STKLD1: variants seen among roughly 807,000 people sequenced by gnomAD.
STKLD1 encodes serine/threonine kinase-like domain-containing protein STKLD1.
Under a neutral mutation model 80.4 loss-of-function variants are expected in STKLD1, and 79 were observed. The ratio of observed to expected loss-of-function variants is 0.98; its 90% CI spans 0.82 to 1.19. The LOEUF (loss-of-function observed/expected upper bound fraction) is 1.19. Ranked by LOEUF, STKLD1 falls within the 50% of genes most tolerant of loss-of-function variation. The pLI, the probability that STKLD1 is intolerant of heterozygous loss-of-function variation, is 0.00. For missense variants in STKLD1, 841 were observed against 856.0 expected (o/e 0.98, Z 0.22); for synonymous variants, 393 against 357.6 (o/e 1.10, Z -1.12).
chr9:133,391,447 G>C (rs1838396421), intron 7 of STKLD1, among the ~76,000 whole-genome samples: 1 of 151,494 alleles, frequency 6.6e-6, no homozygotes, highest in Non-Finnish European at 1.5e-5. Context: ...GGAAAAGATT[G>C]AGAAATCGGA....
Position 133,377,620 on chromosome 9 carries a change from G to A in STKLD1, c.87+1060G>A, listed in dbSNP as rs2130254997. ...AGAGGTTGTGGTGAGCCAAGATAGCGCCATTGGACTCCAGCCTGGGCAACA... is the reference window on the plus strand; with the variant it reads ...AGAGGTTGTGGTGAGCCAAGATAGCACCATTGGACTCCAGCCTGGGCAACA... On this transcript the variant is annotated intron_variant, in intron 1 of 17. Transcript: ENST00000371957. Among the ~76,000 whole-genome samples, 9 of 152,078 alleles carry A rather than the reference G, an allele frequency of 5.9e-5. No individual in the cohort carries two copies. The South Asian group carries it at 6.2e-4, about 11-fold the overall frequency.
At position 133,397,426 on chromosome 9, in the gene STKLD1, G is replaced by A. The variant is rs1193288815; in HGVS notation, c.997+132G>A. ...GCTCCACATGCACGACCAGTGGGTA[G>A]GAACAGTTTCCCTCCATCCATCCCT... On this transcript the variant is annotated intron_variant, in intron 10 of 17. Transcript: ENST00000371957. 3.3e-6 allele frequency: 4 copies of A among 1,226,268 alleles called. No individual in the cohort carries two copies. The African/African-American group carries it at 6.0e-5, about 18-fold the overall frequency. 76.0% of individuals were successfully genotyped at this position (1,226,268 alleles called of 1,614,324 possible). A position where few individuals can be genotyped will look rare whatever the true frequency, so the allele number is the denominator to read the frequency against.
intron 2 of STKLD1, among the ~76,000 whole-genome samples, chr9:133,381,040 TTTTTGTTTTG>T (rs113425746): frequency 2.0e-4 from 31 of 152,040 alleles, no homozygotes; most frequent in Admixed American, 4.6e-4. Flanking sequence ...TTTGTTTGTT[TTTTTGTTTTG>T]TTTTGTTTTG....
In STKLD1 at chr9:133,403,735, C is replaced by G. The variant is rs1838768256; in HGVS notation, c.1510C>G (p.Pro504Ala). 2 of 1,613,822 alleles carry G rather than the reference C, an allele frequency of 1.2e-6. No homozygotes were observed. Among genetic ancestry groups the G allele is most frequent in the Admixed American group, 1.7e-5 (1 of 60,026 alleles). The change falls in exon 15 of 18, where the codon CCG becomes GCG. Residue 504 changes from proline to alanine, a missense_variant. Pro to Ala is a conservative substitution (Grantham distance 27). Transcript: ENST00000371957. ...GAACAAGGCCCCCTTGGAGAAGGTC[C>G]CGGACCTCATCAGCCAGGTGTTGGC... ...IVNKAPLEKV[P>A]DLISQVLATY...
intron 7 of STKLD1, chr9:133,393,940 A>G (rs1838490374): frequency 4.7e-6 from 1 of 213,786 alleles, no homozygotes; most frequent in East Asian, 1.1e-4. Flanking sequence ...TAGAAGGGGC[A>G]AGAAGTTTAG....
intron 2 of STKLD1, among the ~76,000 whole-genome samples, chr9:133,383,284 G>T (rs1838185818): frequency 1.1e-3 from 1 of 944 alleles, no homozygotes; most frequent in Non-Finnish European, 2.4e-3. Context: ...AATGGTGGTG[G>T]TGTGATGATG....
chr9:133,377,290 G>A (rs1012081884), intron 1 of STKLD1, among the ~76,000 whole-genome samples: 3 of 152,018 alleles, frequency 2.0e-5, no homozygotes, highest in Admixed American at 6.6e-5. Context: ...TTCGAGATAC[G>A]GCTCCATTTT....
At position 133,400,465 on chromosome 9, in the gene STKLD1, A is replaced by C; in HGVS notation, c.1134A>C (p.Leu378=). 8 of 1,613,474 alleles carry C rather than the reference A, an allele frequency of 5.0e-6. No individual in the cohort carries two copies. The highest frequency in any genetic ancestry group is 6.8e-6 in the Non-Finnish European group (8 of 1,179,998). ...AGGTGGTGGTCACGACCATGGAGCT[A>C]CATGACAGGGTCCTCGATGTCCAGC... ...LVEVVVTTME[L]HDRVLDVQLC... is the part of the protein sequence containing the mutation. The change falls in exon 12 of 18, where the codon CTA becomes CTC. Residue 378 remains leucine (L), a synonymous_variant. Coordinates refer to ENST00000371957, the MANE Select transcript of STKLD1 (RefSeq NM_153710.5).
intron 14 of STKLD1, among the ~76,000 whole-genome samples, chr9:133,403,398 CTG>C (rs879809618): frequency 5.9e-5 from 9 of 152,178 alleles, no homozygotes; most frequent in Non-Finnish European, 1.0e-4. Context: ...AGGGGGCCCC[CTG>C]GCCTGTGCTG....
In STKLD1 at chr9:133,376,532, C is replaced by T. The variant is rs1372293123; in HGVS notation, c.59C>T (p.Ser20Phe). 5.6e-6 allele frequency: 9 copies of T among 1,600,542 alleles called. No individual in the cohort carries two copies. The highest frequency in any genetic ancestry group is 1.7e-4 in the Middle Eastern group (1 of 6,030). ...ACGCAGGGGGAGCGAGGCCCAGGGT[C>T]CCCCGGAGAGCCCATGGAGAAGTAC... ...RPTQGERGPG[S>F]PGEPMEKYQV... Residue 20 changes from serine (S) to phenylalanine (F), a missense_variant, in exon 1 of 18, where the codon TCC (serine) becomes TTC (phenylalanine). Physicochemically the swap from Ser to Phe is radical, Grantham distance 155 (BLOSUM62 -2). Transcript: ENST00000371957.
Position 133,387,564 on chromosome 9 carries a change from G to C in STKLD1, c.396+16G>C. 2 of 1,605,862 alleles carry C rather than the reference G, an allele frequency of 1.2e-6. No homozygotes were observed. The highest frequency in any genetic ancestry group is 4.5e-5 in the East Asian group (2 of 44,842). ...TGACTCTGAGGTGAGGTCCTTTGGGGCACCAGGCCTGGGGGCCACCTAGAC... is the reference window on the plus strand; with the variant it reads ...TGACTCTGAGGTGAGGTCCTTTGGGCCACCAGGCCTGGGGGCCACCTAGAC... On this transcript the variant is annotated intron_variant, in intron 5 of 17. Coordinates refer to ENST00000371957, the MANE Select transcript of STKLD1 (RefSeq NM_153710.5).
chr9:133,403,125 C>A (rs2130689796), intron 14 of STKLD1, 113 bp downstream of exon 14: 1 of 1,102,276 alleles, frequency 9.1e-7, no homozygotes, highest in Non-Finnish European at 1.2e-6. Context: ...TAAAACACAA[C>A]AGCCATAGTC....
intron 2 of STKLD1, among the ~76,000 whole-genome samples, chr9:133,380,757 A>G (rs1191792846): frequency 6.6e-6 from 1 of 152,156 alleles, no homozygotes; most frequent in Non-Finnish European, 1.5e-5. Context: ...GGGTTCTTCC[A>G]GTCTTTTTTC....
intron 17 of STKLD1, 110 bp downstream of exon 17, chr9:133,405,039 T>C: frequency 1.4e-6 from 2 of 1,473,338 alleles, no homozygotes; most frequent in Non-Finnish European, 1.8e-6. Flanking sequence ...TCAACCCCAC[T>C]TCTCGGCCCA....
At chr9:133,387,848 T>C (rs1838298791) in intron 5 of STKLD1, 1 of 526,690 alleles carries the variant, frequency 1.9e-6, no homozygotes, top group Non-Finnish European at 3.7e-6. Flanking sequence ...TTCCTGTAAA[T>C]GGACTCGTCC....
rs2130273738 is a variant in STKLD1 at position 133,385,085 on chromosome 9, T to A, written c.220-532T>A. Among the ~76,000 whole-genome samples, 12 of 152,316 alleles carry A rather than the reference T, an allele frequency of 7.9e-5. No homozygotes were observed. The highest frequency in any genetic ancestry group is 2.9e-4 in the African/African-American group (12 of 41,570). On this transcript the variant is annotated intron_variant, in intron 3 of 17. Transcript: ENST00000371957. This position sits in a 1 kb window ranked among gnomAD's most constrained non-coding sequence, Gnocchi z 4.9. Reference sequence around the variant, plus strand: ...TGGCTTTTCACGTTGCCGATTCCCATCCACAGCCCACTAGGTAGGCCACCT... The same window carrying A: ...TGGCTTTTCACGTTGCCGATTCCCAACCACAGCCCACTAGGTAGGCCACCT...
intron 10 of STKLD1, 82 bp downstream of exon 10, chr9:133,397,376 GTTCA>G: frequency 8.3e-6 from 13 of 1,571,984 alleles, no homozygotes; most frequent in African/African-American, 1.3e-5. Context: ...GTTCCAGAGG[GTTCA>G]TTATTTATGC....
intron 4 of STKLD1, 126 bp from the exon 5 acceptor site, chr9:133,387,321 C>A: frequency 1.5e-6 from 1 of 668,430 alleles, no homozygotes; most frequent in South Asian, 1.8e-5. Flanking sequence ...GTAGCCCCCT[C>A]CAGTGGGCAG....
chr9:133,404,366 A>G lies in STKLD1; in HGVS notation c.1732+318A>G, dbSNP rs587698328. Reference sequence around the variant, plus strand: ...AACAGCTCTGCAAACAGTGTCTCCAATTCCCCACAACACAAACCCTGCCTG... The same window carrying G: ...AACAGCTCTGCAAACAGTGTCTCCAGTTCCCCACAACACAAACCCTGCCTG... On this transcript the variant is annotated intron_variant, in intron 16 of 17. Transcript: ENST00000371957. 3.3e-5 allele frequency among the ~76,000 whole-genome samples: 5 copies of G among 152,196 alleles called. No individual in the cohort carries two copies. In the East Asian group the frequency reaches 9.7e-4, roughly 29 times the overall value.
Sources: allele counts gnomAD v4.1 joint callset (sites outside exome capture counted in the v4.1 genomes callset), GRCh38; gene constraint gnomAD v4.1.1; non-coding constraint Gnocchi (gnomAD v3.1); transcripts MANE v1.5; gene names NCBI Gene and HGNC (gene_info 2026-07-23, HGNC 2026-07-21).